The following DCDC1 variants were observed in gnomAD, a reference collection of about 807,000 sequenced individuals.
DCDC1 encodes doublecortin domain-containing protein 1.
Under a neutral mutation model 178.3 loss-of-function variants are expected in DCDC1, and 200 were observed. The observed-to-expected ratio is 1.12, with a 90% CI of 1.00 to 1.26. DCDC1 has a LOEUF of 1.26. Ranked by LOEUF, DCDC1 falls within the 50% of genes most tolerant of loss-of-function variation. The pLI, the probability that DCDC1 is intolerant of heterozygous loss-of-function variation, is 0.00. For synonymous variants in DCDC1, 690 were observed against 604.8 expected (o/e 1.14, Z -2.07); for missense variants, 1,983 against 1,749.2 (o/e 1.13, Z -2.38).
At chr11:31,095,643 TA>T (rs767873455) in intron 15 of DCDC1, among the ~76,000 whole-genome samples, 27 of 152,044 alleles carry the variant, frequency 1.8e-4, no homozygotes, top group Non-Finnish European at 3.7e-4. Context: ...TGGGGATGGA[TA>T]GGGGGTACTG....
chr11:30,911,166 A>T (rs1045895588), intron 28 of DCDC1, among the ~76,000 whole-genome samples, 161 bp downstream of exon 28: 1 of 152,330 alleles, frequency 6.6e-6, no homozygotes, highest in East Asian at 1.9e-4. Flanking sequence ...GTACATGAAC[A>T]TGTTCAATTT....
At chr11:31,053,153 T>A (rs1021797771) in intron 20 of DCDC1, among the ~76,000 whole-genome samples, 1 of 151,994 alleles carries the variant, frequency 6.6e-6, no homozygotes, top group African/African-American at 2.4e-5. Context: ...CAAGAGACAT[T>A]ACAACTGATA....
chr11:30,903,320 G>A (rs994036455), intron 32 of DCDC1, among the ~76,000 whole-genome samples, 162 bp downstream of exon 32: 2 of 152,046 alleles, frequency 1.3e-5, no homozygotes, highest in Admixed American at 1.3e-4. Context: ...ATTCTGCAAG[G>A]TGAAAACAAC....
At chr11:31,321,999 A>G (rs1336685269) in intron 3 of DCDC1, among the ~76,000 whole-genome samples, 1 of 152,222 alleles carries the variant, frequency 6.6e-6, no homozygotes, top group African/African-American at 2.4e-5. Flanking sequence ...AAGAGAAGTT[A>G]ATTCTGTCAG....
intron 38 of DCDC1, among the ~76,000 whole-genome samples, chr11:30,866,397 G>T (rs1400497924): frequency 6.6e-6 from 1 of 152,108 alleles, no homozygotes; most frequent in Non-Finnish European, 1.5e-5. Flanking sequence ...CCTTCTTGCT[G>T]TGTCCCCACA....
chr11:31,307,518 A>C, intron 4 of DCDC1, 121 bp downstream of exon 4: 1 of 1,368,254 alleles, frequency 7.3e-7, no homozygotes, highest in Non-Finnish European at 9.9e-7. Flanking sequence ...AAACAAAAAC[A>C]AAACCCGAGA....
intron 9 of DCDC1, among the ~76,000 whole-genome samples, chr11:31,145,038 T>TA (rs1964288617): frequency 6.6e-6 from 1 of 152,218 alleles, no homozygotes; most frequent in Admixed American, 6.5e-5. Flanking sequence ...GTGTGTGAAG[T>TA]AAAAAAATGC....
chr11:31,058,125 T>C (rs774163117), intron 20 of DCDC1, among the ~76,000 whole-genome samples: 5 of 152,154 alleles, frequency 3.3e-5, no homozygotes, highest in African/African-American at 4.8e-5. Context: ...TAGATGATAT[T>C]GACTCAGCCA....
chr11:30,971,286 C>A (rs1298544508), intron 20 of DCDC1, among the ~76,000 whole-genome samples: 1 of 151,860 alleles, frequency 6.6e-6, no homozygotes, highest in Non-Finnish European at 1.5e-5. Flanking sequence ...TCCAAAAGAA[C>A]AAAAGAACAC....
intron 38 of DCDC1, among the ~76,000 whole-genome samples, chr11:30,868,399 C>T (rs368423432): frequency 1.3e-4 from 20 of 151,852 alleles, no homozygotes; most frequent in Admixed American, 1.2e-3. Flanking sequence ...TACAAGTGCC[C>T]ACCACCACAC....
chr11:30,962,808 T>C (rs887902434), intron 20 of DCDC1, among the ~76,000 whole-genome samples: 4 of 152,100 alleles, frequency 2.6e-5, no homozygotes, highest in African/African-American at 7.2e-5. Context: ...TCTGGATACA[T>C]AGGAGTAATT....
At chr11:30,967,912 G>GA (rs975920209) in intron 20 of DCDC1, among the ~76,000 whole-genome samples, 10 of 151,800 alleles carry the variant, frequency 6.6e-5, no homozygotes, top group African/African-American at 1.9e-4. Flanking sequence ...GTTAGGTAGA[G>GA]AAAAAAAATG....
intron 22 of DCDC1, 77 bp downstream of exon 22, chr11:30,931,694 A>G: frequency 7.2e-7 from 1 of 1,395,032 alleles, no homozygotes; most frequent in East Asian, 2.5e-5. Flanking sequence ...TCCCACAGAA[A>G]AACATCCATA....
Position 31,072,342 on chromosome 11 carries a change from G to A in DCDC1, c.2298+5523C>T, listed in dbSNP as rs559403121. Among the ~76,000 whole-genome samples, 19 of 151,892 alleles carry A rather than the reference G, an allele frequency of 1.3e-4. 1 individual carries two copies. In the South Asian group the frequency reaches 4.0e-3, roughly 32 times the overall value. On this transcript the variant is annotated intron_variant, in intron 18 of 38. Coordinates refer to ENST00000684477, the MANE Select transcript of DCDC1 (RefSeq NM_001387274.1). ...GGTTTATTATATATTGAGTATTATC[G>A]CATTCTCTGATGTTTATGTTGCAAA...
At chr11:31,054,079 G>A (rs1955432797) in intron 20 of DCDC1, among the ~76,000 whole-genome samples, 1 of 151,888 alleles carries the variant, frequency 6.6e-6, no homozygotes, top group Non-Finnish European at 1.5e-5. Context: ...AAACCCTAAG[G>A]ACTCCTCCAG....
At chr11:31,211,701 T>G (rs1046106749) in intron 9 of DCDC1, among the ~76,000 whole-genome samples, 13 of 152,154 alleles carry the variant, frequency 8.5e-5, no homozygotes, top group Admixed American at 6.5e-5. Context: ...CTCTACATAA[T>G]GTAGACTCTA....
At chr11:31,301,634 A>C (rs1181114712) in intron 6 of DCDC1, among the ~76,000 whole-genome samples, 1 of 152,226 alleles carries the variant, frequency 6.6e-6, no homozygotes, top group Non-Finnish European at 1.5e-5. Context: ...ACATTTCATT[A>C]TGGACGCAGA....
At chr11:31,051,087 C>A (rs556544967) in intron 20 of DCDC1, among the ~76,000 whole-genome samples, 3 of 152,150 alleles carry the variant, frequency 2.0e-5, no homozygotes, top group South Asian at 4.2e-4. Flanking sequence ...AAAAATGATA[C>A]ACGAAGTGAA....
intron 20 of DCDC1, among the ~76,000 whole-genome samples, chr11:30,971,022 C>T (rs1163668582): frequency 1.3e-5 from 2 of 152,190 alleles, no homozygotes; most frequent in African/African-American, 2.4e-5. Context: ...TGCGCCCACA[C>T]ACACACAAAG....
Sources: gnomAD v4.1 joint callset for allele counts (sites outside exome capture counted in the v4.1 genomes callset) on GRCh38, gnomAD v4.1.1 for gene constraint, MANE v1.5 for transcripts, NCBI Gene and HGNC (gene_info 2026-07-23, HGNC 2026-07-21) for gene names.